Variants in SERPINB12 observed in about 807,000 individuals in gnomAD.
SERPINB12 encodes the protein serpin B12.
Under a neutral mutation model 41.1 loss-of-function variants are expected in SERPINB12, and 57 were observed. The observed-to-expected ratio is 1.39, with a 90% CI of 1.12 to 1.73. The LOEUF is 1.73. Among genes scored for constraint, SERPINB12 ranks in the 40% most tolerant of loss-of-function variants. SERPINB12 has a pLI of 0.00. For synonymous variants in SERPINB12, 180 were observed against 181.3 expected (o/e 0.99, Z 0.06); for missense variants, 536 against 501.9 (o/e 1.07, Z -0.65).
rs1491386715 is a variant in SERPINB12 at position 63,559,003 on chromosome 18, C to CTTTCTTTCTTTCTCTCT, written c.303+519_303+520insTCTTTCTTTCTCTCTTT. 2.7e-3 allele frequency among the ~76,000 whole-genome samples: 216 copies of CTTTCTTTCTTTCTCTCT among 78,606 alleles called. 3 individuals carry two copies. Among genetic ancestry groups the CTTTCTTTCTTTCTCTCT allele is most frequent in the African/African-American group, 9.9e-3 (197 of 19,812 alleles). The allele number at this position is 78,606 out of a possible 152,430, so 51.6% of individuals were successfully genotyped here. On this transcript the variant is annotated intron_variant, in intron 3 of 7. Coordinates refer to ENST00000382768, the MANE Select transcript of SERPINB12 (RefSeq NM_001307928.2). ...ATGATTGTCTTTCTTTCTTTCCTTC[C>CTTTCTTTCTTTCTCTCT]TTCTTTCTTTCTTTCTTTCTTTCTT...
At chr18:63,533,269 C>A in the SERPINB12 span, among the ~76,000 whole-genome samples, 1 of 152,314 alleles carries the variant, frequency 6.6e-6, no homozygotes, top group South Asian at 2.1e-4. Context: ...AGCCACCACG[C>A]CCGGCCTCGT....
the SERPINB12 span, among the ~76,000 whole-genome samples, chr18:63,522,904 G>A: frequency 6.6e-6 from 1 of 151,960 alleles, no homozygotes; most frequent in African/African-American, 2.4e-5. Context: ...AAGGAATTTT[G>A]AATCACTTTG....
At chr18:63,541,857 C>A (rs1464652140), upstream of SERPINB12, among the ~76,000 whole-genome samples, 3 of 152,076 alleles carry the variant, frequency 2.0e-5, no homozygotes, top group Admixed American at 6.6e-5. Flanking sequence ...GGTGAGGATG[C>A]TCAGGAAATT....
Position 63,558,387 on chromosome 18 carries a change from C to A in SERPINB12, c.204C>A (p.Ser68Arg). The change falls in exon 3 of 8, where the codon AGC (serine) becomes AGA (arginine). Residue 68 changes from serine (S) to arginine (R), a missense_variant. Coordinates refer to ENST00000382768, the MANE Select transcript of SERPINB12 (RefSeq NM_001307928.2). ...TCAACGAATTTTCCCAGAATGAAAG[C>A]AAAGAACCTGACCCTTGTCTGAAAA... ...LHFNEFSQNE[S>R]KEPDPCLKSN... 1 of 1,613,396 alleles carries A rather than the reference C, an allele frequency of 6.2e-7. No homozygotes were observed. Among genetic ancestry groups the A allele is most frequent in the Non-Finnish European group, 8.5e-7 (1 of 1,179,618 alleles).
chr18:63,568,884 C>T lies in SERPINB12; in HGVS notation c.*1873C>T, dbSNP rs1911204987. ...GTTGAAGCTCACTTACGACCTAAAA[C>T]AATTTGACGTTGGTAACGTGAGGCA... On this transcript the variant is annotated 3_prime_UTR_variant, in exon 8 of 8. Transcript: ENST00000382768. Among the ~76,000 whole-genome samples, 1 of 152,196 alleles carries T rather than the reference C, an allele frequency of 6.6e-6. No individual in the cohort carries two copies. The highest frequency in any genetic ancestry group is 1.5e-5 in the Non-Finnish European group (1 of 68,036).
intron 1 of SERPINB12, among the ~76,000 whole-genome samples, chr18:63,545,394 G>GTACTTGACA (rs1181050243): frequency 6.6e-6 from 1 of 152,088 alleles, no homozygotes; most frequent in African/African-American, 2.4e-5. Context: ...TTGACATTTA[G>GTACTTGACA]TAAGTGCTCA....
At chr18:63,556,102 C>T in intron 1 of SERPINB12, 40 bp from the exon 2 acceptor site, 3 of 1,423,366 alleles carry the variant, frequency 2.1e-6, no homozygotes, top group Non-Finnish European at 2.9e-6. Flanking sequence ...TATTTTCTTC[C>T]AATCACCATT....
At chr18:63,557,455 C>A (rs1412778347) in intron 2 of SERPINB12, among the ~76,000 whole-genome samples, 1 of 152,170 alleles carries the variant, frequency 6.6e-6, no homozygotes, top group Non-Finnish European at 1.5e-5. Context: ...TGGCCTTATA[C>A]TTCCTTGGAT....
the SERPINB12 span, among the ~76,000 whole-genome samples, chr18:63,520,670 A>G: frequency 4.0e-4 from 61 of 152,320 alleles, 1 homozygote; most frequent in African/African-American, 1.3e-3. Flanking sequence ...GAAAAACCAG[A>G]CCACAGAGGA....
chr18:63,534,026 G>A, the SERPINB12 span, among the ~76,000 whole-genome samples: 204 of 152,292 alleles, frequency 1.3e-3, no homozygotes, highest in Non-Finnish European at 2.3e-3. Context: ...TCTGGGTAGA[G>A]TTTGAAATCA....
At chr18:63,548,802 A>G (rs1440877382) in intron 1 of SERPINB12, among the ~76,000 whole-genome samples, 2 of 152,080 alleles carry the variant, frequency 1.3e-5, no homozygotes, top group Admixed American at 6.5e-5. Context: ...AAGAATGGCA[A>G]TAATATCTGA....
chr18:63,551,645 G>A lies in SERPINB12; in HGVS notation c.-18-4497G>A, dbSNP rs149288566. On this transcript the variant is annotated intron_variant, in intron 1 of 7. Transcript: ENST00000382768. ...ACATTTGCGTTGTTCCTGAGTTTTG[G>A]CTATTATGAAAGTGTTGCTATGAAC... 1.6e-3 allele frequency among the ~76,000 whole-genome samples: 248 copies of A among 152,202 alleles called. 1 individual carries two copies. The highest frequency in any genetic ancestry group is 5.6e-3 in the African/African-American group (233 of 41,524).
At chr18:63,520,667 C>G in the SERPINB12 span, among the ~76,000 whole-genome samples, 1 of 152,186 alleles carries the variant, frequency 6.6e-6, no homozygotes, top group South Asian at 2.1e-4. Context: ...GTAGAAAAAC[C>G]AGACCACAGA....
In SERPINB12 at chr18:63,568,254, A is replaced by G. The variant is rs1911180343; in HGVS notation, c.*1243A>G. Among the ~76,000 whole-genome samples, 1 of 152,072 alleles carries G rather than the reference A, an allele frequency of 6.6e-6. No homozygotes were observed. Among genetic ancestry groups the G allele is most frequent in the South Asian group, 2.1e-4 (1 of 4,814 alleles). ...AAATTAGCCGGGCGTGGTGGTGTGC[A>G]CCTATAGTCCCAGCTACTCGGGAGG... On this transcript the variant is annotated 3_prime_UTR_variant, in exon 8 of 8. Coordinates refer to ENST00000382768, the MANE Select transcript of SERPINB12 (RefSeq NM_001307928.2).
chr18:63,535,653 G>T, the SERPINB12 span, among the ~76,000 whole-genome samples: 1 of 152,152 alleles, frequency 6.6e-6, no homozygotes, highest in Non-Finnish European at 1.5e-5. Context: ...ACATTTTTGG[G>T]ATAACTGGTG....
chr18:63,556,757 C>T (rs900457199), intron 2 of SERPINB12, among the ~76,000 whole-genome samples: 6 of 152,168 alleles, frequency 3.9e-5, no homozygotes, highest in Non-Finnish European at 5.9e-5. Context: ...GCTTGGTGTC[C>T]TCCTGGACTC....
At chr18:63,552,284 A>G (rs1460005199) in intron 1 of SERPINB12, among the ~76,000 whole-genome samples, 1 of 152,236 alleles carries the variant, frequency 6.6e-6, no homozygotes, top group African/African-American at 2.4e-5. Context: ...GTTTATTCAA[A>G]AAGACCATAA....
the SERPINB12 span, among the ~76,000 whole-genome samples, chr18:63,522,823 T>C: frequency 3.3e-5 from 5 of 152,040 alleles, no homozygotes; most frequent in African/African-American, 1.2e-4. Context: ...ATCTGGAAAT[T>C]GATAAGAAAT....
chr18:63,554,226 A>C (rs1910605061), intron 1 of SERPINB12, among the ~76,000 whole-genome samples: 2 of 152,210 alleles, frequency 1.3e-5, no homozygotes, highest in South Asian at 2.1e-4. Context: ...TACAGTAGAA[A>C]GATTACTTAG....
Sources: allele counts gnomAD v4.1 joint callset (sites outside exome capture counted in the v4.1 genomes callset), GRCh38; gene constraint gnomAD v4.1.1; transcripts MANE v1.5; gene names NCBI Gene and HGNC (gene_info 2026-07-23, HGNC 2026-07-21).